The following SMOC1 variants were observed in gnomAD, a reference collection of about 807,000 sequenced individuals.
The protein encoded by SMOC1 is SPARC-related modular calcium-binding protein 1.
A neutral mutation model predicts 56.3 loss-of-function variants in SMOC1; 22 were observed. The observed-to-expected ratio is 0.39, with a 90% CI of 0.28 to 0.56. The LOEUF (loss-of-function observed/expected upper bound fraction) is 0.56, where lower values mean the gene tolerates loss of function less well. Among genes scored for constraint, SMOC1 ranks in the 20% least tolerant of loss-of-function variants. The pLI, the probability that SMOC1 is intolerant of heterozygous loss-of-function variation, is 0.61. For missense variants in SMOC1, 509 were observed against 565.4 expected (o/e 0.90, Z 1.01); for synonymous variants, 193 against 215.0 (o/e 0.90, Z 0.89).
intron 1 of SMOC1, among the ~76,000 whole-genome samples, chr14:69,913,806 C>T (rs1884616655): frequency 6.6e-6 from 1 of 152,178 alleles, no homozygotes; most frequent in Non-Finnish European, 1.5e-5. Context: ...CTGAGAAAAA[C>T]CCTGGCTAGA....
At chr14:69,937,422 C>T (rs1885323662) in intron 1 of SMOC1, among the ~76,000 whole-genome samples, 1 of 152,240 alleles carries the variant, frequency 6.6e-6, no homozygotes, top group Non-Finnish European at 1.5e-5. Context: ...AAGAACCATT[C>T]TTTCTCTCCC....
In SMOC1 at chr14:69,915,027, C is replaced by T. The variant is rs773649354; in HGVS notation, c.99+35250C>T. On this transcript the variant is annotated intron_variant, in intron 1 of 11. Transcript: ENST00000361956. ...AATTATAGCCGCCCACCACCACGCCCGGCTAATTTTTTGTATTTTTAGTAA... is the reference window on the plus strand; with the variant it reads ...AATTATAGCCGCCCACCACCACGCCTGGCTAATTTTTTGTATTTTTAGTAA... Among the ~76,000 whole-genome samples the T allele has an allele frequency of 5.3e-5, 8 of 152,076 alleles. 1 individual carries two copies. The South Asian group carries it at 6.2e-4, about 12-fold the overall frequency.
intron 11 of SMOC1, among the ~76,000 whole-genome samples, chr14:70,027,288 C>G (rs1173797983): frequency 2.0e-5 from 3 of 152,210 alleles, no homozygotes; most frequent in African/African-American, 7.2e-5. Flanking sequence ...AGACTGCTGT[C>G]CCCTCCAGGA....
At chr14:69,944,476 C>T (rs960782013) in intron 1 of SMOC1, among the ~76,000 whole-genome samples, 1 of 152,146 alleles carries the variant, frequency 6.6e-6, no homozygotes, top group African/African-American at 2.4e-5. Flanking sequence ...TCCAAATAGG[C>T]ATTTGCAGAT....
intron 1 of SMOC1, among the ~76,000 whole-genome samples, chr14:69,935,917 G>T (rs1885283724): frequency 6.6e-6 from 1 of 152,236 alleles, no homozygotes. Context: ...AATGAATGTG[G>T]CAAGTTGTGG....
chr14:70,012,347 C>T (rs546085089), intron 9 of SMOC1, among the ~76,000 whole-genome samples: 1 of 152,330 alleles, frequency 6.6e-6, no homozygotes, highest in Non-Finnish European at 1.5e-5. Context: ...TGAGATTCTA[C>T]TATGTGCCAG....
intron 8 of SMOC1, 28 bp from the exon 9 acceptor site, chr14:70,011,457 A>T: frequency 2.2e-6 from 1 of 448,418 alleles, no homozygotes; most frequent in Non-Finnish European, 3.3e-6. Context: ...AGCCCCTCCC[A>T]ACCCCCCCCA....
chr14:69,944,069 A>G (rs1317595396), intron 1 of SMOC1, among the ~76,000 whole-genome samples: 6 of 152,198 alleles, frequency 3.9e-5, no homozygotes, highest in Non-Finnish European at 5.9e-5. Context: ...CAAGCCATAC[A>G]TATTGATTAA....
chr14:70,016,383 C>G (rs1885513709), intron 10 of SMOC1, among the ~76,000 whole-genome samples: 1 of 152,154 alleles, frequency 6.6e-6, no homozygotes. Flanking sequence ...CTTGACCATA[C>G]TTGGTTTTGA....
chr14:69,890,234 C>T (rs1883924057), intron 1 of SMOC1, among the ~76,000 whole-genome samples: 2 of 152,126 alleles, frequency 1.3e-5, no homozygotes, highest in African/African-American at 4.8e-5. Flanking sequence ...CTCCATCCTG[C>T]CCGAAAGCAG....
At chr14:69,903,746 C>T (rs926704455) in intron 1 of SMOC1, among the ~76,000 whole-genome samples, 1 of 152,088 alleles carries the variant, frequency 6.6e-6, no homozygotes, top group African/African-American at 2.4e-5. Flanking sequence ...ACCTCAAGTA[C>T]CCAGGGACAC....
intron 1 of SMOC1, among the ~76,000 whole-genome samples, chr14:69,951,029 C>T (rs866696039): frequency 6.6e-6 from 1 of 152,178 alleles, no homozygotes; most frequent in Non-Finnish European, 1.5e-5. Context: ...TGGGACTAGA[C>T]TCACCTGAAG....
intron 1 of SMOC1, chr14:69,885,663 C>T (rs151206952): frequency 1.3e-5 from 19 of 1,447,514 alleles, no homozygotes; most frequent in African/African-American, 8.4e-5. Context: ...GGATCCATGT[C>T]GTGTGAAATC....
intron 7 of SMOC1, among the ~76,000 whole-genome samples, chr14:70,008,678 G>A (rs537088556): frequency 3.3e-5 from 5 of 152,258 alleles, no homozygotes; most frequent in East Asian, 3.9e-4. Flanking sequence ...TCTTGCTTTC[G>A]GTCTGATTTA....
intron 1 of SMOC1, among the ~76,000 whole-genome samples, chr14:69,884,196 G>A (rs1320644920): frequency 2.6e-5 from 4 of 152,144 alleles, no homozygotes; most frequent in Admixed American, 6.5e-5. Flanking sequence ...GTGAGCCACC[G>A]CGCCCGGCCG....
chr14:69,999,327 C>A (rs1162362790), intron 7 of SMOC1, among the ~76,000 whole-genome samples: 1 of 152,106 alleles, frequency 6.6e-6, no homozygotes, highest in Non-Finnish European at 1.5e-5. Context: ...GATTCCCCAC[C>A]CCCCAAGCCA....
At chr14:70,016,928 A>G (rs1885536588) in intron 10 of SMOC1, among the ~76,000 whole-genome samples, 1 of 152,194 alleles carries the variant, frequency 6.6e-6, no homozygotes, top group Non-Finnish European at 1.5e-5. Flanking sequence ...AGCCTAGCAT[A>G]TATCACGGTC....
intron 3 of SMOC1, among the ~76,000 whole-genome samples, chr14:69,961,543 G>C (rs1295896763): frequency 1.3e-5 from 2 of 151,396 alleles, no homozygotes; most frequent in Non-Finnish European, 2.9e-5. Context: ...ATTGCACTTG[G>C]CTAAATTTTT....
At chr14:70,000,035 C>T (rs1884908906) in intron 7 of SMOC1, among the ~76,000 whole-genome samples, 1 of 152,226 alleles carries the variant, frequency 6.6e-6, no homozygotes, top group Non-Finnish European at 1.5e-5. Flanking sequence ...GCTGCTAAGA[C>T]ACTGAAATTG....
Sources: gnomAD v4.1 joint callset for allele counts (sites outside exome capture counted in the v4.1 genomes callset) on GRCh38, gnomAD v4.1.1 for gene constraint, MANE v1.5 for transcripts, NCBI Gene and HGNC (gene_info 2026-07-23, HGNC 2026-07-21) for gene names.